CCDC175: variants seen among roughly 807,000 people sequenced by gnomAD.
CCDC175 encodes coiled-coil domain containing 175.
A neutral mutation model predicts 114.6 loss-of-function variants in CCDC175; 100 were observed. That is an observed-to-expected ratio of 0.87 (90% CI 0.74 to 1.03). CCDC175 has a LOEUF of 1.03. Among genes scored for constraint, CCDC175 ranks in the 50% least tolerant of loss-of-function variants. The pLI is 0.00. For synonymous variants in CCDC175, 306 were observed against 308.7 expected, an observed-to-expected ratio of 0.99 and a Z score of 0.09; for missense variants, 880 against 917.8, an observed-to-expected ratio of 0.96 and a Z score of 0.53.
chr14:59,537,957 A>T, intron 13 of CCDC175, 66 bp downstream of exon 13: 6 of 981,204 alleles, frequency 6.1e-6, no homozygotes, highest in Non-Finnish European at 7.3e-6. Context: ...AATAGCATGA[A>T]ATATTATTCC....
rs1894575358 is a variant in CCDC175 at position 59,538,832 on chromosome 14, G to C, written c.1364C>G (p.Thr455Ser). ...LERESQRCVI[T>S]QWKMACLRKK... ...TCTCAAGCAAGCCATTTTCCACTGA[G>C]TTATAACACTAGAGATTAGAGCAAA... Residue 455 changes from threonine to serine, a missense_variant, in exon 12 of 20, where the codon ACT (threonine) becomes AGT (serine). Physicochemically the swap from Thr to Ser is moderately conservative, Grantham distance 58. Transcript: ENST00000537690. The C allele has an allele frequency of 6.5e-7, 1 of 1,534,630 alleles. No homozygotes were observed. The highest frequency in any genetic ancestry group is 1.4e-5 in the African/African-American group (1 of 72,872).
intron 17 of CCDC175, among the ~76,000 whole-genome samples, chr14:59,515,606 A>T (rs886180305): frequency 7.2e-5 from 11 of 152,244 alleles, no homozygotes; most frequent in African/African-American, 1.9e-4. Flanking sequence ...CAATTCAACA[A>T]GAAGAGCTAA....
intron 19 of CCDC175, among the ~76,000 whole-genome samples, chr14:59,508,564 T>TATAAAAA (rs1157742572): frequency 7.1e-5 from 1 of 14,142 alleles, no homozygotes; most frequent in African/African-American, 2.6e-4. Context: ...AGGCCCTGTC[T>TATAAAAA]CAAAAAAAAA....
At chr14:59,554,066 A>G (rs539057908) in intron 7 of CCDC175, among the ~76,000 whole-genome samples, 12 of 152,216 alleles carry the variant, frequency 7.9e-5, no homozygotes, top group Non-Finnish European at 1.6e-4. Flanking sequence ...TGAGACAGAA[A>G]CTTAACAAGG....
chr14:59,550,943 A>G (rs1385065708), intron 8 of CCDC175, among the ~76,000 whole-genome samples: 2 of 152,180 alleles, frequency 1.3e-5, no homozygotes, highest in Non-Finnish European at 2.9e-5. Context: ...TCAAGTTGAC[A>G]CTCAGTATTA....
intron 7 of CCDC175, among the ~76,000 whole-genome samples, chr14:59,556,856 C>T (rs1426086232): frequency 1.3e-5 from 2 of 152,058 alleles, no homozygotes; most frequent in African/African-American, 4.8e-5. Flanking sequence ...CCAAAAGATA[C>T]ATGAAAAAAT....
In CCDC175 at chr14:59,575,111, T is replaced by C. The variant is rs1201083145; in HGVS notation, c.158-83A>G. On this transcript the variant is annotated intron_variant, in intron 1 of 19. Transcript: ENST00000537690. ...CCTTTTATGATCTAGCTCAAATGCT[T>C]ACTCGGCTGGAAGTTACATCTTCAG... The C allele has an allele frequency of 5.9e-6, 4 of 683,046 alleles. No individual in the cohort carries two copies. In the East Asian group the frequency reaches 1.1e-4, roughly 19 times the overall value. 42.3% of individuals were successfully genotyped at this position (683,046 alleles called of 1,614,324 possible).
chr14:59,510,730 T>G lies in CCDC175; in HGVS notation c.2221A>C (p.Met741Leu), dbSNP rs1892690851. The change falls in exon 19 of 20, where the codon ATG becomes CTG. Residue 741 changes from methionine to leucine, a missense_variant. Physicochemically the swap from Met to Leu is conservative, Grantham distance 15 (BLOSUM62 2). Transcript: ENST00000537690. ...TDKLRERDEK[M>L]QHVSTWLRGS... ...CGTAGCCATGTACTGACATGCTGCA[T>G]TTTTTCATCTCTTTCACGCAGCTTG... 1 of 1,537,212 alleles carries G rather than the reference T, an allele frequency of 6.5e-7. No individual in the cohort carries two copies.
intron 8 of CCDC175, among the ~76,000 whole-genome samples, chr14:59,547,352 A>C (rs145241836): frequency 2.6e-5 from 4 of 152,324 alleles, no homozygotes; most frequent in Admixed American, 2.0e-4. Flanking sequence ...CAAAATCCAA[A>C]CAGGTTTTTT....
intron 11 of CCDC175, among the ~76,000 whole-genome samples, chr14:59,539,947 G>A (rs552032947): frequency 2.6e-5 from 4 of 151,760 alleles, no homozygotes; most frequent in Admixed American, 6.6e-5. Context: ...AGTGCGTGCC[G>A]GTAGTCCTAG....
intron 12 of CCDC175, 64 bp downstream of exon 12, chr14:59,538,641 A>T (rs775043784): frequency 2.1e-5 from 26 of 1,267,698 alleles, no homozygotes; most frequent in Non-Finnish European, 2.8e-5. Flanking sequence ...TTAATTAAAT[A>T]TTAAAGGAGA....
At chr14:59,560,525 C>T (rs748677462) in intron 7 of CCDC175, among the ~76,000 whole-genome samples, 8 of 152,066 alleles carry the variant, frequency 5.3e-5, no homozygotes, top group South Asian at 2.1e-4. Flanking sequence ...CAGGTCAATT[C>T]GGAGGATTTG....
chr14:59,532,743 G>A (rs117671995), intron 13 of CCDC175, among the ~76,000 whole-genome samples: 153 of 152,210 alleles, frequency 1.0e-3, no homozygotes, highest in Middle Eastern at 6.8e-3. Flanking sequence ...ACTCCTTGAC[G>A]CACAGATGTT....
chr14:59,562,704 T>C (rs1473049590), intron 6 of CCDC175, among the ~76,000 whole-genome samples: 2 of 152,180 alleles, frequency 1.3e-5, no homozygotes, highest in East Asian at 3.9e-4. Flanking sequence ...AAGGAAGACA[T>C]ATTTCATTTT....
chr14:59,510,452 T>C, intron 19 of CCDC175, 194 bp downstream of exon 19: 1 of 537,024 alleles, frequency 1.9e-6, no homozygotes, highest in Non-Finnish European at 3.3e-6. Flanking sequence ...TTCTCTTAGG[T>C]GAAAGGCAGA....
chr14:59,555,555 A>G (rs1237653473), intron 7 of CCDC175, among the ~76,000 whole-genome samples: 1 of 152,222 alleles, frequency 6.6e-6, no homozygotes, highest in African/African-American at 2.4e-5. Flanking sequence ...AAACTGGCAC[A>G]TCACAAGGAT....
At chr14:59,509,080 G>A (rs1371039327) in intron 19 of CCDC175, among the ~76,000 whole-genome samples, 3 of 152,076 alleles carry the variant, frequency 2.0e-5, no homozygotes, top group East Asian at 1.9e-4. Flanking sequence ...ATATGAAAAA[G>A]GAAATATGAT....
intron 7 of CCDC175, among the ~76,000 whole-genome samples, chr14:59,554,303 T>A (rs1895727402): frequency 1.3e-5 from 2 of 152,318 alleles, no homozygotes; most frequent in South Asian, 4.1e-4. Flanking sequence ...AACTCAGGAT[T>A]AAGAAACTCA....
chr14:59,576,240 A>C (rs898126955), intron 1 of CCDC175, among the ~76,000 whole-genome samples: 4 of 152,174 alleles, frequency 2.6e-5, no homozygotes, highest in Non-Finnish European at 4.4e-5. Context: ...TTGCCACGGC[A>C]AAATGTCGGA....
Sources: gnomAD v4.1 joint callset for allele counts (sites outside exome capture counted in the v4.1 genomes callset) on GRCh38, gnomAD v4.1.1 for gene constraint, MANE v1.5 for transcripts, NCBI Gene and HGNC (gene_info 2026-07-23, HGNC 2026-07-21) for gene names.